Variants in PRTG observed in about 807,000 individuals in gnomAD.
PRTG encodes the protein protogenin.
In PRTG, 67 loss-of-function variants were observed where a neutral mutation model predicts 122.5. The ratio of observed to expected loss-of-function variants is 0.55; its 90% CI spans 0.45 to 0.67. PRTG has a LOEUF of 0.67. Among genes scored for constraint, PRTG ranks in the 30% least tolerant of loss-of-function variants. The probability of loss-of-function intolerance (pLI) is 0.00; values close to 1 mark genes in which losing one functional copy is unlikely to be tolerated. For missense variants in PRTG, 1,435 were observed against 1,415.4 expected (o/e 1.01, Z -0.22); for synonymous variants, 554 against 501.1 (o/e 1.11, Z -1.41).
Position 55,637,225 on chromosome 15 carries a change from T to C in PRTG, c.2568A>G (p.Leu856=), listed in dbSNP as rs376697019. The C allele has an allele frequency of 2.3e-4, 374 of 1,613,824 alleles. No individual in the cohort carries two copies. The highest frequency in any genetic ancestry group is 5.2e-4 in the South Asian group (47 of 91,010). ...CAATCCAGGCCTTCCTAGATGCATATAAGATAGTATAGCGGGTCACAACTG... is the reference window on the plus strand; with the variant it reads ...CAATCCAGGCCTTCCTAGATGCATACAAGATAGTATAGCGGGTCACAACTG... ...PETVVTRYTI[L]YASRKAWIAG... Residue 856 remains leucine (L), a synonymous_variant, in exon 15 of 20, where the codon TTA becomes TTG. Coordinates refer to ENST00000389286, the MANE Select transcript of PRTG (RefSeq NM_173814.6).
At chr15:55,739,126 T>A (rs1296476432) in intron 2 of PRTG, among the ~76,000 whole-genome samples, 4 of 152,106 alleles carry the variant, frequency 2.6e-5, no homozygotes, top group Non-Finnish European at 5.9e-5. Flanking sequence ...TATTGCAGAA[T>A]AAAATAGTTA....
In PRTG at chr15:55,613,095, C is replaced by T. The variant is rs1380814839; in HGVS notation, c.*6917G>A. On this transcript the variant is annotated 3_prime_UTR_variant, in exon 20 of 20. Transcript: ENST00000389286. ...TTTCATTTTGCACAAAAAAATTATC[C>T]TCATTTCATGGATGGAGAAGGCACA... 6.6e-6 allele frequency: 1 copy of T among 151,902 alleles called. No homozygotes were observed. The highest frequency in any genetic ancestry group is 1.5e-5 in the Non-Finnish European group (1 of 67,916). The allele number at this position is 151,902 out of a possible 1,614,324, so 9.4% of individuals were successfully genotyped here. A position where few individuals can be genotyped will look rare whatever the true frequency, so the allele number is the denominator to read the frequency against.
At chr15:55,685,279 T>G (rs980645594) in intron 2 of PRTG, among the ~76,000 whole-genome samples, 4 of 152,158 alleles carry the variant, frequency 2.6e-5, no homozygotes, top group Admixed American at 6.5e-5. Flanking sequence ...CATTTATCTG[T>G]AGATAGATCA....
intron 2 of PRTG, among the ~76,000 whole-genome samples, chr15:55,739,392 C>A (rs1313814633): frequency 1.3e-5 from 2 of 151,990 alleles, no homozygotes; most frequent in Non-Finnish European, 2.9e-5. Flanking sequence ...GCCACCAGCC[C>A]AGCTAAGATT....
intron 11 of PRTG, among the ~76,000 whole-genome samples, chr15:55,652,647 C>G (rs1242205846): frequency 6.6e-6 from 1 of 152,070 alleles, no homozygotes; most frequent in Non-Finnish European, 1.5e-5. Flanking sequence ...GGCCCAGCAG[C>G]AGAGGAGCAG....
At chr15:55,645,177 T>C (rs1163230295) in intron 11 of PRTG, among the ~76,000 whole-genome samples, 2 of 151,804 alleles carry the variant, frequency 1.3e-5, no homozygotes, top group East Asian at 1.9e-4. Flanking sequence ...GGCTCACGCC[T>C]GTAATCCCAG....
chr15:55,702,966 C>G (rs1316177955), intron 2 of PRTG: 1 of 977,838 alleles, frequency 1.0e-6, no homozygotes, highest in Non-Finnish European at 1.2e-6. Flanking sequence ...CATTCTAAAC[C>G]TATCTTGGGA....
intron 5 of PRTG, 107 bp downstream of exon 5, chr15:55,680,384 A>G: frequency 7.7e-7 from 1 of 1,299,474 alleles, no homozygotes; most frequent in South Asian, 1.9e-5. Context: ...AAGACATTCA[A>G]CAGCCAAACC....
intron 14 of PRTG, among the ~76,000 whole-genome samples, chr15:55,638,103 G>C (rs1003017981): frequency 2.0e-5 from 3 of 152,124 alleles, no homozygotes; most frequent in Non-Finnish European, 2.9e-5. Context: ...AAATATCTTA[G>C]CTAGAGCCAC....
At chr15:55,714,543 C>G (rs8032300) in intron 2 of PRTG, among the ~76,000 whole-genome samples, 1 of 151,798 alleles carries the variant, frequency 6.6e-6, no homozygotes, top group Admixed American at 6.6e-5. Context: ...CTTATCCCCC[C>G]CTTTTTTTTT....
rs2031578831 is a variant in PRTG, at chr15:55,740,611, G to A, written c.168C>T (p.Val56=). The change falls in exon 2 of 20, where the codon GTC becomes GTT. Residue 56 remains valine (V), a synonymous_variant. Transcript: ENST00000389286. ...QDVTVTRKDP[V]VLDCQAHGEV... Reference sequence around the variant, plus strand: ...CTCCGTGAGCCTGGCAATCTAAAACGACTGGGTCCTTTCTTGTGACAGTTA... The same window carrying A: ...CTCCGTGAGCCTGGCAATCTAAAACAACTGGGTCCTTTCTTGTGACAGTTA... 2 of 1,613,934 alleles carry A rather than the reference G, an allele frequency of 1.2e-6. No homozygotes were observed. The highest frequency in any genetic ancestry group is 1.7e-5 in the Admixed American group (1 of 60,002).
chr15:55,730,572 G>A (rs1367697951), intron 2 of PRTG, among the ~76,000 whole-genome samples: 3 of 152,042 alleles, frequency 2.0e-5, no homozygotes, highest in African/African-American at 7.2e-5. Flanking sequence ...AGGCCCAGGC[G>A]GGCGGATCAC....
chr15:55,675,280 T>TA, intron 9 of PRTG, among the ~76,000 whole-genome samples: 1 of 152,126 alleles, frequency 6.6e-6, no homozygotes, highest in Non-Finnish European at 1.5e-5. Flanking sequence ...TTTAAACTAG[T>TA]AACCTTTGAA....
At chr15:55,678,189 A>C in intron 7 of PRTG, 145 bp from the exon 8 acceptor site, 1 of 584,040 alleles carries the variant, frequency 1.7e-6, no homozygotes, top group Non-Finnish European at 2.9e-6. Flanking sequence ...TGCAGCAACT[A>C]TGTGGAATCC....
intron 2 of PRTG, among the ~76,000 whole-genome samples, chr15:55,727,090 A>G (rs2031062583): frequency 6.6e-6 from 1 of 152,130 alleles, no homozygotes; most frequent in South Asian, 2.1e-4. Flanking sequence ...CTAATTTTAC[A>G]CCTTGAAGAA....
At chr15:55,689,467 G>A (rs574599232) in intron 2 of PRTG, among the ~76,000 whole-genome samples, 96 of 151,834 alleles carry the variant, frequency 6.3e-4, no homozygotes, top group South Asian at 2.1e-3. Flanking sequence ...GTTAGTGAGC[G>A]TTTGCAAAAA....
chr15:55,630,243 C>G (rs2141720151), intron 15 of PRTG, among the ~76,000 whole-genome samples: 1 of 152,270 alleles, frequency 6.6e-6, no homozygotes, highest in African/African-American at 2.4e-5. Flanking sequence ...GCCTCGGCCT[C>G]CCAAAGTGAT....
chr15:55,641,766 G>C (rs957236325), intron 11 of PRTG, among the ~76,000 whole-genome samples: 1 of 152,086 alleles, frequency 6.6e-6, no homozygotes, highest in African/African-American at 2.4e-5. Flanking sequence ...ACATTCTCAA[G>C]TGCGAACTTC....
intron 4 of PRTG, among the ~76,000 whole-genome samples, chr15:55,682,130 G>A (rs1489413977): frequency 1.3e-5 from 2 of 152,090 alleles, no homozygotes; most frequent in Non-Finnish European, 2.9e-5. Context: ...ACCAAAGACT[G>A]AATATTTGTT....
Sources: gnomAD v4.1 joint callset for allele counts (sites outside exome capture counted in the v4.1 genomes callset) on GRCh38, gnomAD v4.1.1 for gene constraint, MANE v1.5 for transcripts, NCBI Gene and HGNC (gene_info 2026-07-23, HGNC 2026-07-21) for gene names.